DAB1: variants seen among roughly 807,000 people sequenced by gnomAD.
DAB1 encodes the protein disabled homolog 1.
Under a neutral mutation model 64.6 loss-of-function variants are expected in DAB1, and 15 were observed. The observed-to-expected ratio is 0.23, with a 90% CI of 0.16 to 0.36. DAB1 has a LOEUF of 0.36. Among genes scored for constraint, DAB1 ranks in the 10% least tolerant of loss-of-function variants. DAB1 has a pLI of 1.00. For missense variants in DAB1, 596 were observed against 706.7 expected (o/e 0.84, Z 1.78); for synonymous variants, 235 against 251.9 (o/e 0.93, Z 0.64).
chr1:58,181,164 A>C (rs1470631712), intron 4 of DAB1, among the ~76,000 whole-genome samples: 2 of 151,970 alleles, frequency 1.3e-5, no homozygotes, highest in African/African-American at 2.4e-5. Flanking sequence ...TGTTAGTTGC[A>C]TATATATTTT....
At chr1:57,113,026 G>C (rs1364440195) in intron 4 of DAB1, among the ~76,000 whole-genome samples, 1 of 152,134 alleles carries the variant, frequency 6.6e-6, no homozygotes, top group East Asian at 1.9e-4. Context: ...ACCACTGTGG[G>C]GGTAAGGGGA....
intron 1 of DAB1, among the ~76,000 whole-genome samples, chr1:57,365,433 A>C (rs1280511987): frequency 6.8e-6 from 1 of 147,850 alleles, no homozygotes; most frequent in Non-Finnish European, 1.5e-5. Context: ...GTACTTCACA[A>C]TAAAACTATA....
intron 4 of DAB1, among the ~76,000 whole-genome samples, chr1:57,112,478 G>T (rs1655755732): frequency 6.6e-6 from 1 of 152,058 alleles, no homozygotes; most frequent in South Asian, 2.1e-4. Flanking sequence ...AATTCATCTG[G>T]ATTTTCAAAG....
chr1:57,227,919 C>G (rs1415988793), intron 2 of DAB1, among the ~76,000 whole-genome samples: 1 of 152,100 alleles, frequency 6.6e-6, no homozygotes, highest in Non-Finnish European at 1.5e-5. Context: ...AGGGGAATAA[C>G]TTATGGGCGA....
intron 6 of DAB1, among the ~76,000 whole-genome samples, chr1:57,704,911 T>TTCCTTCCTTCCTTCCTTCCTTCCC (rs1553121059): frequency 8.4e-6 from 1 of 118,836 alleles, no homozygotes; most frequent in Admixed American, 8.4e-5. Flanking sequence ...CCTTCCTTCC[T>TTCCTTCCTTCCTTCCTTCCTTCCC]TTTCATCTTT....
At chr1:57,290,846 ATAAC>A (rs148763285) in intron 2 of DAB1, 114 bp downstream of exon 2, 6,179 of 596,230 alleles carry the variant, frequency 0.01, 131 homozygotes, top group East Asian at 0.076. Context: ...AACACACAAA[ATAAC>A]TATTTAAAAA....
intron 7 of DAB1, among the ~76,000 whole-genome samples, chr1:57,474,450 A>G (rs924654707): frequency 3.3e-5 from 5 of 152,182 alleles, no homozygotes; most frequent in African/African-American, 9.6e-5. Context: ...GGGAATCACA[A>G]TGAGATAATT....
chr1:58,126,455 C>CTTT (rs113023484), intron 5 of DAB1, among the ~76,000 whole-genome samples: 1 of 146,776 alleles, frequency 6.8e-6, no homozygotes, highest in African/African-American at 2.5e-5. Context: ...TTCTTTTTTT[C>CTTT]TTTTTTTTTT....
chr1:57,460,097 G>A (rs1421408404), intron 7 of DAB1, among the ~76,000 whole-genome samples: 1 of 152,162 alleles, frequency 6.6e-6, no homozygotes, highest in African/African-American at 2.4e-5. Context: ...CCAGAAAAGT[G>A]CAAAGGCTAG....
At chr1:57,825,334 CA>C (rs1569789984), downstream of DAB1, among the ~76,000 whole-genome samples, 3 of 152,076 alleles carry the variant, frequency 2.0e-5, no homozygotes, top group Admixed American at 1.3e-4. Context: ...CCCTCAAATT[CA>C]AAAATATGAC....
chr1:57,723,662 C>T (rs965363159), intron 6 of DAB1, among the ~76,000 whole-genome samples: 3 of 152,196 alleles, frequency 2.0e-5, no homozygotes, highest in African/African-American at 7.2e-5. Flanking sequence ...TCCCCCAAGC[C>T]CTTGTCCCTG....
chr1:57,563,089 G>C (rs1188928276), intron 7 of DAB1, among the ~76,000 whole-genome samples: 1 of 152,130 alleles, frequency 6.6e-6, no homozygotes, highest in Non-Finnish European at 1.5e-5. Context: ...AATAAGGTTT[G>C]GGTCACACCA....
intron 5 of DAB1, among the ~76,000 whole-genome samples, chr1:58,087,175 T>C (rs1650366808): frequency 6.6e-6 from 1 of 152,196 alleles, no homozygotes; most frequent in South Asian, 2.1e-4. Context: ...CTAAAAGTTA[T>C]AGCATATGTA....
At chr1:57,215,061 T>C (rs1391559959) in intron 2 of DAB1, among the ~76,000 whole-genome samples, 1 of 152,010 alleles carries the variant, frequency 6.6e-6, no homozygotes, top group African/African-American at 2.4e-5. Context: ...AATAATCACT[T>C]GAATATTGTT....
At chr1:57,589,977 A>G (rs1010986281) in intron 7 of DAB1, among the ~76,000 whole-genome samples, 2 of 152,198 alleles carry the variant, frequency 1.3e-5, no homozygotes, top group African/African-American at 4.8e-5. Context: ...AAATTTATGA[A>G]AGGCAATTTG....
intron 7 of DAB1, among the ~76,000 whole-genome samples, chr1:57,455,494 A>AT (rs1686554145): frequency 1.3e-5 from 2 of 152,012 alleles, no homozygotes; most frequent in Non-Finnish European, 2.9e-5. Flanking sequence ...CAAAGAGAGG[A>AT]ATGTTACGAT....
chr1:58,327,504 TA>T (rs1662861828), intron 4 of DAB1, among the ~76,000 whole-genome samples: 1 of 152,198 alleles, frequency 6.6e-6, no homozygotes, highest in Non-Finnish European at 1.5e-5. Flanking sequence ...TCTGGAGGTT[TA>T]AACCCTGACT....
chr1:58,238,993 T>A lies in DAB1; in HGVS notation n.310-88405A>T, dbSNP rs150831434. 4.8e-3 allele frequency among the ~76,000 whole-genome samples: 730 copies of A among 152,250 alleles called. 4 individuals are homozygous for A. The highest frequency in any genetic ancestry group is 0.016 in the African/African-American group (679 of 41,534). On this transcript the variant is annotated intron_variant and non_coding_transcript_variant, in intron 4 of 20. Transcript: ENST00000485760. ...GTTCCGATAAAGATCCTTCTGTCTG[T>A]CCCTAGCAACAGTGTTGTGTCCACT...
intron 4 of DAB1, among the ~76,000 whole-genome samples, chr1:58,206,552 AAC>A (rs1183500782): frequency 9.9e-5 from 15 of 152,182 alleles, no homozygotes; most frequent in Admixed American, 7.2e-4. Context: ...CCACTGTACT[AAC>A]ACTATGTTAT....
Sources: allele counts gnomAD v4.1 joint callset (sites outside exome capture counted in the v4.1 genomes callset), GRCh38; gene constraint gnomAD v4.1.1; transcripts MANE v1.5; gene names NCBI Gene and HGNC (gene_info 2026-07-23, HGNC 2026-07-21).